LARGE1: variants seen among roughly 807,000 people sequenced by gnomAD.
LARGE1 encodes the protein xylosyl- and glucuronyltransferase LARGE1.
Under a neutral mutation model 87.6 loss-of-function variants are expected in LARGE1, and 43 were observed. The ratio of observed to expected loss-of-function variants is 0.49; its 90% CI spans 0.38 to 0.63. LARGE1 has a LOEUF of 0.63. Among genes scored for constraint, LARGE1 ranks in the 30% least tolerant of loss-of-function variants. The pLI is 0.00. For synonymous variants in LARGE1, 434 were observed against 394.6 expected, an observed-to-expected ratio of 1.10 and a Z score of -1.18; for missense variants, 802 against 1,000.2, an observed-to-expected ratio of 0.80 and a Z score of 2.67.
intron 11 of LARGE1, among the ~76,000 whole-genome samples, chr22:33,214,293 T>G (rs1201711490): frequency 6.6e-6 from 1 of 151,980 alleles, no homozygotes; most frequent in East Asian, 1.9e-4. Flanking sequence ...TCTCTTTGTG[T>G]ATCTGTGTCC....
In LARGE1 at chr22:33,650,564, C is replaced by T. The variant is rs116164106; in HGVS notation, c.211G>A (p.Glu71Lys). 1.4e-3 allele frequency: 2,177 copies of T among 1,607,980 alleles called. 2 individuals are homozygous for T. The highest frequency in any genetic ancestry group is 1.7e-3 in the Non-Finnish European group (1,975 of 1,179,916). ...ERESLEVRMR[E>K]VEEENRALRR... ...AGGGCGCGGTTCTCCTCCTCCACCT[C>T]GCGCATGCGCACCTCCAGGCTCTCG... The change falls in exon 3 of 15, where the codon GAG (glutamate) becomes AAG (lysine). Residue 71 changes from glutamate to lysine, a missense_variant. Transcript: ENST00000397394.
chr22:33,512,071 A>C (rs1019943063), intron 6 of LARGE1, among the ~76,000 whole-genome samples: 10 of 152,226 alleles, frequency 6.6e-5, no homozygotes, highest in African/African-American at 2.2e-4. Flanking sequence ...GAACTTCATT[A>C]TGAGCTAAAA....
intron 5 of LARGE1, chr22:33,572,295 C>T: frequency 4.9e-6 from 4 of 822,422 alleles, no homozygotes; most frequent in African/African-American, 1.8e-5. Flanking sequence ...CCTATATGTT[C>T]AGAGTATAAT....
At chr22:33,580,017 C>T (rs1317873759) in intron 5 of LARGE1, among the ~76,000 whole-genome samples, 2 of 152,182 alleles carry the variant, frequency 1.3e-5, no homozygotes, top group African/African-American at 2.4e-5. Context: ...GCACTGTCTT[C>T]AATACAAGCT....
At chr22:33,477,668 C>A (rs2069137743) in intron 6 of LARGE1, among the ~76,000 whole-genome samples, 1 of 152,146 alleles carries the variant, frequency 6.6e-6, no homozygotes, top group Non-Finnish European at 1.5e-5. Context: ...TAGAGCTCAG[C>A]TGAGTAATTC....
intron 11 of LARGE1, among the ~76,000 whole-genome samples, chr22:33,191,866 A>G (rs1923798432): frequency 6.6e-6 from 1 of 152,254 alleles, no homozygotes; most frequent in Admixed American, 6.5e-5. Flanking sequence ...TGATGTGTTC[A>G]CTAAGCACAT....
intron 3 of LARGE1, among the ~76,000 whole-genome samples, chr22:33,628,097 C>T (rs1351764451): frequency 2.0e-5 from 3 of 151,956 alleles, no homozygotes; most frequent in Non-Finnish European, 2.9e-5. Flanking sequence ...TACCTGCTCC[C>T]AAGAAGAAAG....
At chr22:33,148,333 T>C in the LARGE1 span, among the ~76,000 whole-genome samples, 114 of 152,250 alleles carry the variant, frequency 7.5e-4, no homozygotes, top group Non-Finnish European at 1.4e-3. Flanking sequence ...TACTACAATA[T>C]GTGATCTATT....
chr22:33,693,749 C>T lies in LARGE1; in HGVS notation c.107-43081G>A, dbSNP rs530314941. Among the ~76,000 whole-genome samples the T allele has an allele frequency of 9.0e-4, 137 of 152,056 alleles. 2 individuals are homozygous for T. The highest frequency in any genetic ancestry group is 3.4e-3 in the Middle Eastern group (1 of 294). ...TGAGACAGGAGAATCACTTGAACCC[C>T]GGAGGCGGAAGTTGCAGTGAGCCAA... is the stretch of plus-strand genomic sequence containing the variant. On this transcript the variant is annotated intron_variant, in intron 2 of 14. Coordinates refer to ENST00000397394, the MANE Select transcript of LARGE1 (RefSeq NM_133642.5).
At chr22:33,242,670 G>T (rs1474535882) in intron 11 of LARGE1, among the ~76,000 whole-genome samples, 1 of 152,268 alleles carries the variant, frequency 6.6e-6, no homozygotes, top group African/African-American at 2.4e-5. Flanking sequence ...GAGTTGAGCA[G>T]TTAGTGAAAG....
At chr22:33,709,411 C>G (rs114073186) in intron 2 of LARGE1, among the ~76,000 whole-genome samples, 2 of 152,228 alleles carry the variant, frequency 1.3e-5, no homozygotes, top group Non-Finnish European at 2.9e-5. Context: ...GGTCATGGAT[C>G]TAAAAAGAGT....
At chr22:33,161,150 T>G (rs891508898), downstream of LARGE1, among the ~76,000 whole-genome samples, 2 of 152,158 alleles carry the variant, frequency 1.3e-5, no homozygotes, top group Admixed American at 6.5e-5. Flanking sequence ...AAGCCCGTTA[T>G]AAAACCATCA....
chr22:33,467,709 A>G (rs2068672791), intron 6 of LARGE1, among the ~76,000 whole-genome samples: 1 of 152,212 alleles, frequency 6.6e-6, no homozygotes, highest in African/African-American at 2.4e-5. Context: ...AGTGAGACAG[A>G]TGGGGAGTGA....
At chr22:33,127,750 GA>G in the LARGE1 span, among the ~76,000 whole-genome samples, 1 of 152,054 alleles carries the variant, frequency 6.6e-6, no homozygotes, top group African/African-American at 2.4e-5. Context: ...GTCACACCTT[GA>G]ATACATAGCA....
At chr22:33,514,210 T>C (rs893122157) in intron 6 of LARGE1, among the ~76,000 whole-genome samples, 4 of 151,928 alleles carry the variant, frequency 2.6e-5, no homozygotes, top group Non-Finnish European at 5.9e-5. Flanking sequence ...CAGTCCCCTG[T>C]GGATACTGAG....
chr22:33,452,585 G>T (rs2067975304), intron 6 of LARGE1, among the ~76,000 whole-genome samples: 1 of 152,196 alleles, frequency 6.6e-6, no homozygotes, highest in African/African-American at 2.4e-5. Flanking sequence ...TGCCTGGGGG[G>T]ACATCTGTTC....
intron 2 of LARGE1, among the ~76,000 whole-genome samples, chr22:33,730,320 A>G (rs2083420634): frequency 6.6e-6 from 1 of 152,236 alleles, no homozygotes; most frequent in Non-Finnish European, 1.5e-5. Flanking sequence ...TACAAACTAC[A>G]TGTGAATCAA....
chr22:33,122,359 CTT>C, the LARGE1 span, among the ~76,000 whole-genome samples: 48 of 132,304 alleles, frequency 3.6e-4, no homozygotes, highest in Non-Finnish European at 4.5e-4. Flanking sequence ...TTTTCTTTTT[CTT>C]TTTTTTTTTT....
At position 33,316,152 on chromosome 22, in the gene LARGE1, G is replaced by A; in HGVS notation, c.1384C>T (p.His462Tyr). The change falls in exon 11 of 15, where the codon CAC (histidine) becomes TAC (tyrosine). Residue 462 changes from histidine (H) to tyrosine (Y), a missense_variant. His to Tyr is a moderately conservative substitution (Grantham distance 83). This residue lies in a region of LARGE1 where 625 missense variants were observed against 841.9 expected (regional missense o/e 0.74). Coordinates refer to ENST00000397394, the MANE Select transcript of LARGE1 (RefSeq NM_133642.5). ...TVHRTHLYFL[H>Y]YEYEPAADST... ...TCTGCTGCAGGCTCATACTCGTAGT[G>A]CAGGAAGTACAGGTGGGTGCGGTGG... 1 of 1,614,146 alleles carries A rather than the reference G, an allele frequency of 6.2e-7. No homozygotes were observed. The highest frequency in any genetic ancestry group is 8.5e-7 in the Non-Finnish European group (1 of 1,180,024).
Sources: gnomAD v4.1 joint callset for allele counts (sites outside exome capture counted in the v4.1 genomes callset) on GRCh38, gnomAD v4.1.1 for gene constraint, gnomAD v4.1.1 regional missense constraint, MANE v1.5 for transcripts, NCBI Gene and HGNC (gene_info 2026-07-23, HGNC 2026-07-21) for gene names.